The following CRACD variants were observed in gnomAD, a reference collection of about 807,000 sequenced individuals.
CRACD encodes the protein capping protein-inhibiting regulator of actin dynamics.
CRACD carries 56 observed loss-of-function variants against 106.8 expected under a neutral mutation model. That is an observed-to-expected ratio of 0.52 (90% confidence interval 0.42 to 0.66). The LOEUF (loss-of-function observed/expected upper bound fraction) is 0.66, where lower values mean the gene tolerates loss of function less well. CRACD is among the 30% of genes least tolerant of loss of function. The pLI, the probability that CRACD is intolerant of heterozygous loss-of-function variation, is 0.00. For missense variants in CRACD, 1,730 were observed against 1,623.2 expected, an observed-to-expected ratio of 1.07 and a Z score of -1.13; for synonymous variants, 754 against 670.8, an observed-to-expected ratio of 1.12 and a Z score of -1.92.
In CRACD at chr4:56,202,583, T is replaced by A. The variant is rs1737935640; in HGVS notation, c.-189+23153T>A. Among the ~76,000 whole-genome samples, 3 of 152,290 alleles carry A rather than the reference T, an allele frequency of 2.0e-5. No homozygotes were observed. The South Asian group carries it at 6.2e-4, about 32-fold the overall frequency. ...CTTAAGCTTTCCAAAGATGAAAGAT[T>A]ACAGCAATTTGAGCTAGGCTAACAA... is the stretch of plus-strand genomic sequence containing the variant. On this transcript the variant is annotated intron_variant, in intron 2 of 10. Coordinates refer to ENST00000682029, the MANE Select transcript of CRACD (RefSeq NM_001393381.1).
intron 1 of CRACD, among the ~76,000 whole-genome samples, chr4:56,168,320 T>TTTA (rs1172900001): frequency 6.6e-6 from 1 of 152,102 alleles, no homozygotes; most frequent in African/African-American, 2.4e-5. Context: ...TTTAAGATTT[T>TTTA]TCTTCTTTTT....
intron 10 of CRACD, 54 bp from the exon 11 acceptor site, chr4:56,327,589 AT>A: frequency 6.6e-7 from 1 of 1,513,338 alleles, no homozygotes; most frequent in East Asian, 2.3e-5. Context: ...TAAAAAGAAA[AT>A]TTGTAGTGTG....
intron 2 of CRACD, among the ~76,000 whole-genome samples, chr4:56,254,398 G>T (rs111402924): frequency 1.4e-3 from 115 of 81,134 alleles, no homozygotes; most frequent in South Asian, 0.011. Context: ...TTTTGTGGGG[G>T]TTTTTTTTTT....
At chr4:56,237,018 A>G (rs1245403087) in intron 2 of CRACD, among the ~76,000 whole-genome samples, 1 of 152,130 alleles carries the variant, frequency 6.6e-6, no homozygotes, top group East Asian at 1.9e-4. Flanking sequence ...ATTCACACCG[A>G]CCCAGCAATC....
chr4:56,146,488 A>G lies in CRACD; in HGVS notation c.-335-32796A>G, dbSNP rs188153769. Reference sequence around the variant, plus strand: ...CAATGTGCAGGTTAGTTACATATGTATACATGTGCCATGCTGGTGTGCTGC... The same window carrying G: ...CAATGTGCAGGTTAGTTACATATGTGTACATGTGCCATGCTGGTGTGCTGC... On this transcript the variant is annotated intron_variant, in intron 1 of 10. Transcript: ENST00000682029. Among the ~76,000 whole-genome samples the G allele has an allele frequency of 2.9e-3, 443 of 151,732 alleles. 2 individuals carry two copies. The highest frequency in any genetic ancestry group is 3.9e-3 in the Non-Finnish European group (264 of 67,930).
chr4:56,327,193 A>G (rs1290550250), intron 10 of CRACD, among the ~76,000 whole-genome samples: 1 of 152,184 alleles, frequency 6.6e-6, no homozygotes, highest in East Asian at 1.9e-4. Flanking sequence ...GGTTGTTGTA[A>G]TTCTGTGTGC....
At chr4:56,196,497 T>C (rs1737617674) in intron 2 of CRACD, 1 of 152,912 alleles carries the variant, frequency 6.5e-6, no homozygotes, top group South Asian at 2.1e-4. Flanking sequence ...ATATTCTTTT[T>C]AGTGTAGAAA....
chr4:56,143,471 G>A (rs1735274605), intron 1 of CRACD, among the ~76,000 whole-genome samples: 1 of 151,948 alleles, frequency 6.6e-6, no homozygotes, highest in Non-Finnish European at 1.5e-5. Flanking sequence ...ATTCATGAAG[G>A]AGGATATTTT....
chr4:56,268,902 G>A (rs1742188682), intron 2 of CRACD, among the ~76,000 whole-genome samples: 1 of 152,126 alleles, frequency 6.6e-6, no homozygotes, highest in African/African-American at 2.4e-5. Flanking sequence ...CCTAAAGTAG[G>A]TGTCATGAAA....
At chr4:56,215,564 A>G (rs1738634691) in intron 2 of CRACD, among the ~76,000 whole-genome samples, 1 of 152,242 alleles carries the variant, frequency 6.6e-6, no homozygotes, top group South Asian at 2.1e-4. Context: ...TGTCTCTTCA[A>G]CTGGACTATG....
rs769179810 is a variant in CRACD, at chr4:56,315,079, A to T, written c.1577A>T (p.Glu526Val). The change falls in exon 8 of 11, where the codon GAG becomes GTG. Residue 526 changes from glutamate to valine, a missense_variant. By Grantham distance (121) the Glu-to-Val change is moderately radical. This residue lies in a region of CRACD where 1,620 missense variants were observed against 1,481.6 expected (regional missense o/e 1.09). Coordinates refer to ENST00000682029, the MANE Select transcript of CRACD (RefSeq NM_001393381.1). This position sits in a 1 kb window ranked among gnomAD's most constrained non-coding sequence, Gnocchi z 4.1. ...AAGGTGGAGGAGCTGCGGTGGCAGG[A>T]GGTGGACGAGAGACAGACCATGCCC... ...GRKVEELRWQEVDERQTMPRP... is the reference protein window; with the variant it reads ...GRKVEELRWQVVDERQTMPRP... 6.2e-6 allele frequency: 10 copies of T among 1,610,724 alleles called. No individual in the cohort carries two copies. The East Asian group carries it at 2.0e-4, about 32-fold the overall frequency.
At chr4:56,183,815 T>G (rs1736962580) in intron 2 of CRACD, among the ~76,000 whole-genome samples, 1 of 152,158 alleles carries the variant, frequency 6.6e-6, no homozygotes, top group African/African-American at 2.4e-5. Context: ...AAGGGGAAGG[T>G]GTCATGTGAG....
chr4:56,262,599 C>A lies in CRACD; in HGVS notation c.-188-9722C>A, dbSNP rs79976061. Among the ~76,000 whole-genome samples, 298 of 152,220 alleles carry A rather than the reference C, an allele frequency of 2.0e-3. 5 individuals are homozygous for A. Among genetic ancestry groups the A allele is most frequent in the African/African-American group, 6.9e-3 (285 of 41,532 alleles). Reference sequence around the variant, plus strand: ...CAAGGCAGTTCTTCTTCCAGTGTGGCCCAGGGAAACCAAAAGATTGGACAC... The same window carrying A: ...CAAGGCAGTTCTTCTTCCAGTGTGGACCAGGGAAACCAAAAGATTGGACAC... On this transcript the variant is annotated intron_variant, in intron 2 of 10. Coordinates refer to ENST00000682029, the MANE Select transcript of CRACD (RefSeq NM_001393381.1).
intron 10 of CRACD, among the ~76,000 whole-genome samples, chr4:56,326,741 CTTTTT>C (rs559242636): frequency 7.3e-6 from 1 of 137,880 alleles, no homozygotes; most frequent in South Asian, 2.3e-4. Flanking sequence ...GGGACGGTAG[CTTTTT>C]TTTTTTTTTT....
intron 1 of CRACD, among the ~76,000 whole-genome samples, chr4:56,138,865 T>G (rs777098327): frequency 1.3e-5 from 2 of 152,208 alleles, no homozygotes; most frequent in Non-Finnish European, 2.9e-5. Flanking sequence ...CATTTGATGA[T>G]TCAAGGTTTC....
intron 5 of CRACD, among the ~76,000 whole-genome samples, chr4:56,308,514 G>A (rs1337457647): frequency 6.6e-6 from 1 of 152,030 alleles, no homozygotes; most frequent in African/African-American, 2.4e-5. Flanking sequence ...CCATTCTCTA[G>A]GCTCTGCCTA....
At chr4:56,062,500 C>A (rs1348417666) in intron 1 of CRACD, among the ~76,000 whole-genome samples, 1 of 152,156 alleles carries the variant, frequency 6.6e-6, no homozygotes, top group Non-Finnish European at 1.5e-5. Flanking sequence ...ATGCTTAAAA[C>A]CGGCTTGTTC....
chr4:56,107,286 T>C (rs1733980720), intron 1 of CRACD, among the ~76,000 whole-genome samples: 1 of 152,176 alleles, frequency 6.6e-6, no homozygotes, highest in African/African-American at 2.4e-5. Flanking sequence ...CCAGCCTGGA[T>C]TGGCCATTTT....
intron 3 of CRACD, among the ~76,000 whole-genome samples, chr4:56,279,064 T>C (rs1047306712): frequency 6.6e-6 from 1 of 152,030 alleles, no homozygotes; most frequent in African/African-American, 2.4e-5. Flanking sequence ...ATATTAATGG[T>C]TTAGGGTAAT....
Sources: allele counts gnomAD v4.1 joint callset (sites outside exome capture counted in the v4.1 genomes callset), GRCh38; gene constraint gnomAD v4.1.1; regional missense constraint gnomAD v4.1.1; non-coding constraint Gnocchi (gnomAD v3.1); transcripts MANE v1.5; gene names NCBI Gene and HGNC (gene_info 2026-07-23, HGNC 2026-07-21).